ADGRV1: variants seen among roughly 807,000 people sequenced by gnomAD.
ADGRV1 encodes the protein G-protein coupled receptor 98.
Under a neutral mutation model 596.2 loss-of-function variants are expected in ADGRV1, and 359 were observed. The observed-to-expected ratio is 0.60, with a 90% CI of 0.55 to 0.66. The LOEUF (loss-of-function observed/expected upper bound fraction) is 0.66. Among genes scored for constraint, ADGRV1 ranks in the 30% least tolerant of loss-of-function variants. ADGRV1 has a pLI of 0.00. For synonymous variants in ADGRV1, 2,681 were observed against 2,679.2 expected (o/e 1.00, Z -0.02); for missense variants, 7,274 against 7,575.6 (o/e 0.96, Z 1.48).
Position 90,657,742 on chromosome 5 carries a change from A to G in ADGRV1, c.4379-163A>G, listed in dbSNP as rs1307418014. Among the ~76,000 whole-genome samples, 5 of 151,790 alleles carry G rather than the reference A, an allele frequency of 3.3e-5. No homozygotes were observed. In the East Asian group the frequency reaches 5.8e-4, roughly 18 times the overall value. The stretch of plus-strand genomic sequence containing the variant: ...GATTATGGATTCCTTTTTTAAAATC[A>G]TAATAGAAGATAATATCCAATTCAT... On this transcript the variant is annotated intron_variant, in intron 20 of 89. Coordinates refer to ENST00000405460, the MANE Select transcript of ADGRV1 (RefSeq NM_032119.4).
chr5:90,823,300 A>G (rs1349218407), intron 75 of ADGRV1, 125 bp from the exon 76 acceptor site: 10 of 946,860 alleles, frequency 1.1e-5, no homozygotes, highest in Non-Finnish European at 1.6e-5. Flanking sequence ...TAAGTGCTAT[A>G]CTTTGGATGA....
chr5:90,937,813 A>G (rs753695952), intron 83 of ADGRV1, among the ~76,000 whole-genome samples: 89 of 151,708 alleles, frequency 5.9e-4, no homozygotes, highest in Non-Finnish European at 1.0e-3. Flanking sequence ...ACCTATTCTT[A>G]TTTCACTTCT....
rs184696215 is a variant in ADGRV1 at position 90,639,797 on chromosome 5, C to T, written c.2240+1849C>T. ...GATACTGTATTTTATCAAAAACTCCCTCTTAATTTTGCAAATTTTTAACAA... is the reference window on the plus strand; with the variant it reads ...GATACTGTATTTTATCAAAAACTCCTTCTTAATTTTGCAAATTTTTAACAA... On this transcript the variant is annotated intron_variant, in intron 11 of 89. Coordinates refer to ENST00000405460, the MANE Select transcript of ADGRV1 (RefSeq NM_032119.4). Among the ~76,000 whole-genome samples the T allele has an allele frequency of 2.3e-3, 350 of 152,158 alleles. 5 individuals are homozygous for T. The highest frequency in any genetic ancestry group is 8.1e-3 in the African/African-American group (337 of 41,516).
chr5:91,098,490 T>C (rs1324527953), intron 86 of ADGRV1, among the ~76,000 whole-genome samples: 2 of 152,200 alleles, frequency 1.3e-5, no homozygotes, highest in East Asian at 3.8e-4. Context: ...CTCCCTAATA[T>C]AAGCTTCAGG....
intron 13 of ADGRV1, among the ~76,000 whole-genome samples, chr5:90,643,574 T>A (rs941352833): frequency 6.6e-6 from 1 of 152,192 alleles, no homozygotes. Context: ...TAGAGTAGTA[T>A]CATTGTTTCT....
At chr5:90,632,022 G>T (rs1315290421) in intron 9 of ADGRV1, among the ~76,000 whole-genome samples, 1 of 151,978 alleles carries the variant, frequency 6.6e-6, no homozygotes, top group African/African-American at 2.4e-5. Context: ...TCAATTTTTT[G>T]AGTTTCAGAA....
In ADGRV1 at chr5:90,840,712, G is replaced by A. The variant is rs1394321687; in HGVS notation, c.16746G>A (p.Thr5582=). 9 of 1,613,876 alleles carry A rather than the reference G, an allele frequency of 5.6e-6. No homozygotes were observed. The African/African-American group carries it at 9.3e-5, about 17-fold the overall frequency. ...GCACTGTATTGGATGTCATCCTAAC[G>A]CCAGAGACAGGATCTTTAAATTCAT... ...QRSTVLDVIL[T]PETGSLNSFP... Residue 5582 remains threonine (T), a synonymous_variant, in exon 78 of 90, where the codon ACG becomes ACA. Coordinates refer to ENST00000405460, the MANE Select transcript of ADGRV1 (RefSeq NM_032119.4).
chr5:90,751,621 G>A (rs1207005117), intron 53 of ADGRV1, among the ~76,000 whole-genome samples: 1 of 152,182 alleles, frequency 6.6e-6, no homozygotes, highest in Non-Finnish European at 1.5e-5. Flanking sequence ...CTAGCTGGAA[G>A]ATGGGTTGTC....
At chr5:90,650,628 C>A (rs1298203751) in intron 17 of ADGRV1, among the ~76,000 whole-genome samples, 2 of 152,060 alleles carry the variant, frequency 1.3e-5, no homozygotes, top group African/African-American at 4.8e-5. Flanking sequence ...ATTCTGCGCA[C>A]CGGTTACTGA....
chr5:91,085,528 A>C (rs943777199), intron 86 of ADGRV1, among the ~76,000 whole-genome samples: 1 of 152,220 alleles, frequency 6.6e-6, no homozygotes, highest in African/African-American at 2.4e-5. Flanking sequence ...ACATGCTGTT[A>C]TCTCACACGA....
At position 90,783,294 on chromosome 5, in the gene ADGRV1, A is replaced by G. The variant is rs1759056882; in HGVS notation, c.13402A>G (p.Ile4468Val). Residue 4468 changes from isoleucine (I) to valine (V), a missense_variant, in exon 66 of 90, where the codon ATA becomes GTA. By Grantham distance (29) the Ile-to-Val change is conservative. Coordinates refer to ENST00000405460, the MANE Select transcript of ADGRV1 (RefSeq NM_032119.4). ...TCAGCATGGGCAAAACTTAAGTTTT[A>G]TAAATATCTCCATCATTGATGACAA... ...TFQHGQNLSFINISIIDDNES... is the reference protein window; with the variant it reads ...TFQHGQNLSFVNISIIDDNES... 4 of 1,612,838 alleles carry G rather than the reference A, an allele frequency of 2.5e-6. No homozygotes were observed. The highest frequency in any genetic ancestry group is 3.3e-5 in the Admixed American group (2 of 59,928).
chr5:90,840,933 C>T lies in ADGRV1; in HGVS notation c.16967C>T (p.Ala5656Val). The T allele has an allele frequency of 6.7e-7, 1 of 1,503,544 alleles. No homozygotes were observed. The highest frequency in any genetic ancestry group is 2.1e-5 in the Admixed American group (1 of 48,336). The allele number at this position is 1,503,544 out of a possible 1,614,324, so 93.1% of individuals were successfully genotyped here. A position where few individuals can be genotyped will look rare whatever the true frequency, so the allele number is the denominator to read the frequency against. Residue 5656 changes from alanine to valine, a missense_variant, in exon 78 of 90, where the codon GCC becomes GTC. Transcript: ENST00000405460. ...RVLHTISMKV[A>V]TENTDEQLSA... is the part of the protein sequence containing the mutation. ...CTCCATACCATCAGCATGAAAGTGG[C>T]CACAGAAAACACAGATGAACAACTC...
chr5:91,131,422 GTT>G lies in ADGRV1; in HGVS notation c.18433-18593_18433-18592del, dbSNP rs61693680. Among the ~76,000 whole-genome samples, 16 of 124,776 alleles carry G rather than the reference GTT, an allele frequency of 1.3e-4. No homozygotes were observed. The East Asian group carries it at 1.4e-3, about 11-fold the overall frequency. The allele number at this position is 124,776 out of a possible 152,430, so 81.9% of individuals were successfully genotyped here. A position where few individuals can be genotyped will look rare whatever the true frequency, so the allele number is the denominator to read the frequency against. ...GTCTTCTTTTGAAGTGTCTGTTTGG[GTT>G]TTTTTTTTTTTTTTGGTTTTTCTTT... On this transcript the variant is annotated intron_variant, in intron 87 of 89. Coordinates refer to ENST00000405460, the MANE Select transcript of ADGRV1 (RefSeq NM_032119.4).
rs916348437 is a variant in ADGRV1, at chr5:90,975,799, A to C, written c.17974-9545A>C. Among the ~76,000 whole-genome samples the C allele has an allele frequency of 3.3e-5, 5 of 152,240 alleles. No homozygotes were observed. The East Asian group carries it at 9.7e-4, about 29-fold the overall frequency. ...GCACACCAAGATGGCACATGTATACATAGGTAACAAACCTGCACATTGTGC... is the reference window on the plus strand; with the variant it reads ...GCACACCAAGATGGCACATGTATACCTAGGTAACAAACCTGCACATTGTGC... On this transcript the variant is annotated intron_variant, in intron 84 of 89. Transcript: ENST00000405460.
chr5:90,788,415 T>C, intron 68 of ADGRV1, 105 bp downstream of exon 68: 1 of 1,118,888 alleles, frequency 8.9e-7, no homozygotes, highest in Non-Finnish European at 1.2e-6. Context: ...AATTGGAAAT[T>C]ATAAAACCAA....
chr5:90,789,863 C>A lies in ADGRV1; in HGVS notation c.14043+12C>A, dbSNP rs1320526908. ...TTGGAGAGATTATGGTATTACTTTT[C>A]ATTTGATTTTTCAAAGTACCAGTTT... On this transcript the variant is annotated intron_variant, in intron 69 of 89. Transcript: ENST00000405460. 1.5e-6 allele frequency: 2 copies of A among 1,338,568 alleles called. No individual in the cohort carries two copies. Among genetic ancestry groups the A allele is most frequent in the Non-Finnish European group, 1.9e-6 (2 of 1,032,204 alleles). The allele number at this position is 1,338,568 out of a possible 1,614,324, so 82.9% of individuals were successfully genotyped here.
At chr5:90,683,183 A>G (rs1745168203) in intron 27 of ADGRV1, among the ~76,000 whole-genome samples, 1 of 151,952 alleles carries the variant, frequency 6.6e-6, no homozygotes, top group South Asian at 2.1e-4. Flanking sequence ...GTTTCATGCA[A>G]CAATCGCCTT....
intron 84 of ADGRV1, among the ~76,000 whole-genome samples, chr5:90,967,611 A>G (rs1362880231): frequency 2.0e-5 from 3 of 152,144 alleles, no homozygotes; most frequent in Non-Finnish European, 2.9e-5. Flanking sequence ...AGAATTTTTG[A>G]TTCATTACTT....
intron 83 of ADGRV1, among the ~76,000 whole-genome samples, chr5:90,934,975 A>G (rs920962488): frequency 6.6e-6 from 1 of 152,034 alleles, no homozygotes; most frequent in Non-Finnish European, 1.5e-5. Context: ...ACCTCATCTA[A>G]ACCTAATTAC....
Sources: allele counts gnomAD v4.1 joint callset (sites outside exome capture counted in the v4.1 genomes callset), GRCh38; gene constraint gnomAD v4.1.1; transcripts MANE v1.5; gene names NCBI Gene and HGNC (gene_info 2026-07-23, HGNC 2026-07-21).